Variants in MTUS1 observed in about 807,000 individuals in gnomAD.
MTUS1 encodes the protein microtubule associated scaffold protein 1, also known as microtubule-associated tumor suppressor 1.
A neutral mutation model predicts 120.8 loss-of-function variants in MTUS1; 109 were observed. That is an observed-to-expected ratio of 0.90 (90% confidence interval 0.77 to 1.06). The LOEUF (loss-of-function observed/expected upper bound fraction) is 1.06, where lower values mean the gene tolerates loss of function less well. Ranked by LOEUF, MTUS1 falls within the 50% of genes least tolerant of loss-of-function variation. MTUS1 has a pLI of 0.00. For missense variants in MTUS1, 2,210 were observed against 1,486.3 expected (o/e 1.49, Z -8.01); for synonymous variants, 737 against 550.5 (o/e 1.34, Z -4.74).
chr8:17,698,840 C>T (rs1172177043), intron 6 of MTUS1, among the ~76,000 whole-genome samples: 2 of 152,150 alleles, frequency 1.3e-5, no homozygotes, highest in Non-Finnish European at 2.9e-5. Flanking sequence ...CTAGTTCATA[C>T]ACTGACGAAA....
At chr8:17,797,985 A>G (rs2052383007) in intron 1 of MTUS1, among the ~76,000 whole-genome samples, 1 of 152,104 alleles carries the variant, frequency 6.6e-6, no homozygotes, top group Admixed American at 6.6e-5. Context: ...AATCCAGGAA[A>G]TTTTTTAACT....
intron 4 of MTUS1, among the ~76,000 whole-genome samples, chr8:17,719,240 A>C (rs1822933999): frequency 6.6e-6 from 1 of 152,038 alleles, no homozygotes; most frequent in Non-Finnish European, 1.5e-5. Flanking sequence ...CTACATTCTA[A>C]CACCTAGTGA....
intron 1 of MTUS1, among the ~76,000 whole-genome samples, chr8:17,762,157 T>A (rs1206075851): frequency 6.6e-6 from 1 of 152,078 alleles, no homozygotes; most frequent in African/African-American, 2.4e-5. Context: ...CAGGTGCCTG[T>A]AATCCCACCT....
chr8:17,664,374 A>C (rs934550247), intron 8 of MTUS1, among the ~76,000 whole-genome samples: 4 of 152,122 alleles, frequency 2.6e-5, no homozygotes, highest in African/African-American at 9.7e-5. Flanking sequence ...CAGGAAAAAG[A>C]GATGATTCCA....
intron 2 of MTUS1, among the ~76,000 whole-genome samples, chr8:17,746,005 T>C (rs369202938): frequency 1.3e-5 from 2 of 152,198 alleles, no homozygotes; most frequent in Non-Finnish European, 2.9e-5. Flanking sequence ...CCTCACTCTC[T>C]TCCTCCTCCT....
intron 1 of MTUS1, among the ~76,000 whole-genome samples, chr8:17,782,569 T>G (rs1320665845): frequency 6.6e-6 from 1 of 152,224 alleles, no homozygotes; most frequent in African/African-American, 2.4e-5. Context: ...AGTGAAGTTT[T>G]ATGGGAGAGT....
rs373295116 is a variant in MTUS1, at chr8:17,684,471, G to C, written c.2695C>G (p.Pro899Ala). Residue 899 changes from proline (P) to alanine (A), a missense_variant, in exon 7 of 15, where the codon CCT becomes GCT. Coordinates refer to ENST00000693296, the MANE Select transcript of MTUS1 (RefSeq NM_001363059.2). ...QPQTAPDALP[P>A]EKTLELTQYK... is the part of the protein sequence containing the mutation. ...TGCGTCAATTCAAGTGTTTTCTCAG[G>C]GGGCAGCGCATCGGGAGCTGTCTGT... 2.5e-6 allele frequency: 4 copies of C among 1,614,024 alleles called. No homozygotes were observed. Among genetic ancestry groups the C allele is most frequent in the African/African-American group, 2.7e-5 (2 of 74,914 alleles).
At chr8:17,724,466 C>T (rs1454567133) in intron 3 of MTUS1, among the ~76,000 whole-genome samples, 1 of 152,030 alleles carries the variant, frequency 6.6e-6, no homozygotes, top group Non-Finnish European at 1.5e-5. Context: ...GTTCTAACAC[C>T]AGGTGGTGCT....
chr8:17,749,167 T>C (rs991367010), intron 2 of MTUS1, among the ~76,000 whole-genome samples: 4 of 152,168 alleles, frequency 2.6e-5, no homozygotes, highest in East Asian at 3.9e-4. Context: ...AGCATTAACA[T>C]CAACAAAGAC....
intron 8 of MTUS1, among the ~76,000 whole-genome samples, chr8:17,670,977 G>C (rs1393940385): frequency 6.6e-6 from 1 of 152,150 alleles, no homozygotes; most frequent in Non-Finnish European, 1.5e-5. Context: ...ATCAGTGTTT[G>C]CTTCTAGGGG....
chr8:17,658,204 T>C (rs1230380345), intron 8 of MTUS1, among the ~76,000 whole-genome samples: 1 of 152,152 alleles, frequency 6.6e-6, no homozygotes, highest in Non-Finnish European at 1.5e-5. Flanking sequence ...GACCAGCTAA[T>C]TTTTGTATTT....
intron 6 of MTUS1, among the ~76,000 whole-genome samples, chr8:17,695,754 A>C (rs185212704): frequency 6.6e-6 from 1 of 152,310 alleles, no homozygotes; most frequent in African/African-American, 2.4e-5. Context: ...AAAACACATT[A>C]ACTTTAAAAA....
chr8:17,794,415 T>A (rs907791674), intron 1 of MTUS1, among the ~76,000 whole-genome samples: 4 of 152,228 alleles, frequency 2.6e-5, no homozygotes, highest in Non-Finnish European at 5.9e-5. Flanking sequence ...TCATTTTACA[T>A]GAAATATAAG....
chr8:17,668,605 T>C (rs1811394577), intron 8 of MTUS1, among the ~76,000 whole-genome samples: 1 of 152,250 alleles, frequency 6.6e-6, no homozygotes, highest in South Asian at 2.1e-4. Flanking sequence ...TTTATGACTA[T>C]GCATTCCTAA....
At chr8:17,702,510 C>T (rs1490101917) in intron 6 of MTUS1, among the ~76,000 whole-genome samples, 1 of 152,142 alleles carries the variant, frequency 6.6e-6, no homozygotes, top group Non-Finnish European at 1.5e-5. Context: ...CCTTTTCGCC[C>T]TTGCATAACA....
intron 1 of MTUS1, among the ~76,000 whole-genome samples, chr8:17,758,431 TTTGTGAACCC>T (rs2048789551): frequency 6.6e-6 from 1 of 152,214 alleles, no homozygotes; most frequent in South Asian, 2.1e-4. Flanking sequence ...AAAGTGTAAA[TTTGTGAACCC>T]TTTTTACCAT....
chr8:17,667,712 T>C (rs1811193495), intron 8 of MTUS1, among the ~76,000 whole-genome samples: 2 of 152,386 alleles, frequency 1.3e-5, no homozygotes, highest in South Asian at 4.1e-4. Context: ...AAACTTTCCC[T>C]GTGGTGACTA....
At chr8:17,713,177 G>A (rs761968318) in intron 6 of MTUS1, 37 bp downstream of exon 6, 1 of 1,521,300 alleles carries the variant, frequency 6.6e-7, no homozygotes, top group Non-Finnish European at 9.0e-7. Flanking sequence ...TTTACAAAAA[G>A]ATTCTTTTTA....
At chr8:17,677,258 T>G (rs1356869474) in intron 7 of MTUS1, among the ~76,000 whole-genome samples, 1 of 152,144 alleles carries the variant, frequency 6.6e-6, no homozygotes, top group Admixed American at 6.6e-5. Context: ...AATATCAAAT[T>G]TAAGCCTGAA....
Sources: gnomAD v4.1 joint callset for allele counts (sites outside exome capture counted in the v4.1 genomes callset) on GRCh38, gnomAD v4.1.1 for gene constraint, MANE v1.5 for transcripts, NCBI Gene and HGNC (gene_info 2026-07-23, HGNC 2026-07-21) for gene names.